The following POU2F1 variants were observed in gnomAD, a reference collection of about 807,000 sequenced individuals.
POU2F1 encodes the protein POU domain, class 2, transcription factor 1.
POU2F1 carries 16 observed loss-of-function variants against 84.9 expected under a neutral mutation model. That is an observed-to-expected ratio of 0.19 (90% confidence interval 0.13 to 0.29). The LOEUF (loss-of-function observed/expected upper bound fraction) is 0.29, where lower values mean the gene tolerates loss of function less well. POU2F1 is among the 10% of genes least tolerant of loss of function. The pLI, the probability that POU2F1 is intolerant of heterozygous loss-of-function variation, is 1.00. For synonymous variants in POU2F1, 368 were observed against 368.3 expected, an observed-to-expected ratio of 1.00 and a Z score of 0.01; for missense variants, 738 against 942.6, an observed-to-expected ratio of 0.78 and a Z score of 2.84.
At chr1:167,315,269 A>G (rs961717996) in intron 1 of POU2F1, among the ~76,000 whole-genome samples, 2 of 152,232 alleles carry the variant, frequency 1.3e-5, no homozygotes, top group Non-Finnish European at 2.9e-5. Context: ...CAGAGAAATA[A>G]AAAATTATGT....
intron 1 of POU2F1, among the ~76,000 whole-genome samples, chr1:167,286,437 A>G (rs1653533380): frequency 6.6e-6 from 1 of 152,222 alleles, no homozygotes; most frequent in Admixed American, 6.5e-5. Context: ...AACCTCTGGT[A>G]GCCTTTATTG....
intron 1 of POU2F1, among the ~76,000 whole-genome samples, chr1:167,324,795 A>G (rs961096759): frequency 1.3e-5 from 2 of 152,192 alleles, no homozygotes; most frequent in Admixed American, 6.5e-5. Context: ...AGCCACGTTG[A>G]TAAAGTACAT....
intron 1 of POU2F1, among the ~76,000 whole-genome samples, chr1:167,248,785 T>C (rs1650518028): frequency 6.6e-6 from 1 of 152,228 alleles, no homozygotes; most frequent in South Asian, 2.1e-4. Flanking sequence ...ACAGTGCTTA[T>C]TATGTGCCAA....
At chr1:167,325,668 A>G (rs1327667932) in intron 1 of POU2F1, among the ~76,000 whole-genome samples, 1 of 152,022 alleles carries the variant, frequency 6.6e-6, no homozygotes, top group East Asian at 1.9e-4. Context: ...AAGGTGGGCG[A>G]ATCACGAGGT....
At chr1:167,312,223 A>G (rs1363241308) in intron 1 of POU2F1, among the ~76,000 whole-genome samples, 1 of 148,892 alleles carries the variant, frequency 6.7e-6, no homozygotes, top group Non-Finnish European at 1.5e-5. Context: ...GGCGTGAGCC[A>G]CCGTGCCCAG....
chr1:167,410,518 A>T (rs1326717370), intron 13 of POU2F1, among the ~76,000 whole-genome samples: 2 of 151,148 alleles, frequency 1.3e-5, no homozygotes, highest in African/African-American at 2.4e-5. Context: ...TGTTATTATT[A>T]TTATTATTAT....
At chr1:167,221,917 T>C (rs1378138950) in intron 1 of POU2F1, among the ~76,000 whole-genome samples, 3 of 151,394 alleles carry the variant, frequency 2.0e-5, no homozygotes, top group African/African-American at 7.3e-5. Flanking sequence ...CGGCCGGCGG[T>C]CGGCAGCCCC....
intron 1 of POU2F1, among the ~76,000 whole-genome samples, chr1:167,221,404 C>CGCGG (rs952782050): frequency 3.4e-5 from 5 of 149,182 alleles, no homozygotes; most frequent in Admixed American, 1.3e-4. Context: ...CGCAGTAGGG[C>CGCGG]GCGGGCGGGC....
At chr1:167,316,255 A>G (rs1655886566) in intron 1 of POU2F1, among the ~76,000 whole-genome samples, 2 of 152,376 alleles carry the variant, frequency 1.3e-5, no homozygotes, top group African/African-American at 2.4e-5. Flanking sequence ...GTGTAGTTAC[A>G]TAAGACGTAA....
At chr1:167,256,892 G>C (rs1001677332) in intron 1 of POU2F1, among the ~76,000 whole-genome samples, 1 of 152,136 alleles carries the variant, frequency 6.6e-6, no homozygotes, top group African/African-American at 2.4e-5. Context: ...TCATAATTTT[G>C]AGTTGCTTCA....
intron 2 of POU2F1, chr1:167,338,356 T>C (rs996159810): frequency 5.1e-6 from 2 of 391,920 alleles, no homozygotes; most frequent in Non-Finnish European, 1.0e-5. Context: ...GTCAACTGTT[T>C]ATGTTATCAG....
At chr1:167,306,727 C>T (rs895736529) in intron 1 of POU2F1, among the ~76,000 whole-genome samples, 13 of 152,124 alleles carry the variant, frequency 8.5e-5, no homozygotes, top group South Asian at 2.1e-4. Context: ...TGTTCCATCC[C>T]TCTCTTCTTG....
chr1:167,299,424 A>G (rs1654505288), intron 1 of POU2F1, among the ~76,000 whole-genome samples: 2 of 152,152 alleles, frequency 1.3e-5, no homozygotes, highest in Admixed American at 1.3e-4. Flanking sequence ...TTATTCTTCT[A>G]AAAGGAATAA....
At chr1:167,340,698 A>T (rs1418030357) in intron 2 of POU2F1, among the ~76,000 whole-genome samples, 1 of 151,874 alleles carries the variant, frequency 6.6e-6, no homozygotes, top group Non-Finnish European at 1.5e-5. Context: ...TCCTGCTGGG[A>T]TTATAGGCAT....
intron 2 of POU2F1, among the ~76,000 whole-genome samples, chr1:167,340,602 T>A (rs1231555435): frequency 6.6e-6 from 1 of 151,776 alleles, no homozygotes; most frequent in African/African-American, 2.4e-5. Flanking sequence ...CAGCTAATTT[T>A]TGTGTTTTTA....
At chr1:167,381,745 G>A (rs1373861422) in intron 7 of POU2F1, among the ~76,000 whole-genome samples, 3 of 150,968 alleles carry the variant, frequency 2.0e-5, no homozygotes. Flanking sequence ...GAGTAGCTGG[G>A]ATTATAGGTG....
chr1:167,247,378 T>C (rs1324985615), intron 1 of POU2F1, among the ~76,000 whole-genome samples: 1 of 152,168 alleles, frequency 6.6e-6, no homozygotes, highest in Non-Finnish European at 1.5e-5. Flanking sequence ...TGTGATACAA[T>C]TTTTATATCT....
chr1:167,372,426 A>T (rs1358396494), intron 5 of POU2F1, among the ~76,000 whole-genome samples: 1 of 152,228 alleles, frequency 6.6e-6, no homozygotes, highest in Non-Finnish European at 1.5e-5. Context: ...TAGTACCTGC[A>T]AAAGAAAAAC....
intron 2 of POU2F1, among the ~76,000 whole-genome samples, chr1:167,343,237 T>C (rs1349433467): frequency 6.6e-6 from 1 of 152,174 alleles, no homozygotes; most frequent in African/African-American, 2.4e-5. Flanking sequence ...AGATTATACT[T>C]TTGTTAAATG....
Sources: allele counts gnomAD v4.1 joint callset (sites outside exome capture counted in the v4.1 genomes callset), GRCh38; gene constraint gnomAD v4.1.1; transcripts MANE v1.5; gene names NCBI Gene and HGNC (gene_info 2026-07-23, HGNC 2026-07-21).